GABRA4: variants seen among roughly 807,000 people sequenced by gnomAD.
GABRA4 encodes gamma-aminobutyric acid type A receptor subunit alpha4.
GABRA4 carries 12 observed loss-of-function variants against 49.7 expected under a neutral mutation model. That is an observed-to-expected ratio of 0.24 (90% CI 0.15 to 0.39). GABRA4 has a LOEUF of 0.39. GABRA4 is among the 10% of genes least tolerant of loss of function. The pLI is 1.00. For synonymous variants in GABRA4, 288 were observed against 240.2 expected (o/e 1.20, Z -1.84); for missense variants, 506 against 686.0 (o/e 0.74, Z 2.93).
At chr4:46,976,741 A>G (rs1370273766) in intron 5 of GABRA4, among the ~76,000 whole-genome samples, 2 of 151,682 alleles carry the variant, frequency 1.3e-5, no homozygotes, top group Admixed American at 6.6e-5. Context: ...ATTTATCTAT[A>G]TAATTTGTAC....
intron 1 of GABRA4, 120 bp downstream of exon 1, chr4:46,993,219 C>G (rs1339958363): frequency 5.5e-6 from 5 of 908,116 alleles, no homozygotes; most frequent in African/African-American, 3.3e-5. Context: ...GGCCCCTGCT[C>G]TTACAGCTGA....
chr4:46,970,609 A>G (rs1218769097), intron 7 of GABRA4, among the ~76,000 whole-genome samples: 2 of 151,584 alleles, frequency 1.3e-5, no homozygotes, highest in Non-Finnish European at 3.0e-5. Context: ...CTAAGCATAT[A>G]ATACCTTCCA....
Position 46,993,579 on chromosome 4 carries a change from T to C in GABRA4, c.-155A>G, listed in dbSNP as rs1577805181. 2.8e-6 allele frequency: 2 copies of C among 719,018 alleles called. No individual in the cohort carries two copies. Among genetic ancestry groups the C allele is most frequent in the East Asian group, 5.5e-5 (2 of 36,396 alleles). 44.5% of individuals were successfully genotyped at this position (719,018 alleles called of 1,614,324 possible). A position where few individuals can be genotyped will look rare whatever the true frequency, so the allele number is the denominator to read the frequency against. On this transcript the variant is annotated 5_prime_UTR_variant, in exon 1 of 9. Transcript: ENST00000264318. ...CAGCCAGCCCGAGCCGCGGTGGGCG[T>C]GTGTGTGCACGGGGCCAGGGGAGGC...
intron 8 of GABRA4, among the ~76,000 whole-genome samples, chr4:46,964,274 G>A (rs576880894): frequency 2.6e-5 from 4 of 151,778 alleles, no homozygotes; most frequent in South Asian, 4.1e-4. Flanking sequence ...GAAGGGTAGC[G>A]GGAGTTTGGT....
chr4:46,931,365 G>A (rs1036437095), intron 8 of GABRA4, among the ~76,000 whole-genome samples: 2 of 152,038 alleles, frequency 1.3e-5, no homozygotes, highest in Non-Finnish European at 2.9e-5. Flanking sequence ...AAGAGCAAGA[G>A]TAGGAAGGAT....
chr4:46,928,580 C>A lies in GABRA4; in HGVS notation c.1310G>T (p.Ser437Ile). 6.2e-7 allele frequency: 1 copy of A among 1,613,702 alleles called. No homozygotes were observed. Among genetic ancestry groups the A allele is most frequent in the Non-Finnish European group, 8.5e-7 (1 of 1,179,780 alleles). Residue 437 changes from serine to isoleucine, a missense_variant, in exon 9 of 9, where the codon AGC (serine) becomes ATC (isoleucine). Physicochemically the swap from Ser to Ile is moderately radical, Grantham distance 142. Transcript: ENST00000264318. ...SYLASSPNPF[S>I]RANAAETISA... is the part of the protein sequence containing the mutation. ...TATGGTTTCAGCTGCATTTGCACGG[C>A]TGAATGGGTTTGGACTGGAAGCTAA...
At chr4:46,987,140 G>T (rs990034111) in intron 2 of GABRA4, among the ~76,000 whole-genome samples, 3 of 152,076 alleles carry the variant, frequency 2.0e-5, no homozygotes, top group Admixed American at 6.6e-5. Context: ...TAATCAGCCT[G>T]CAAAGCTGTA....
chr4:46,981,582 A>C (rs1280997178), intron 2 of GABRA4, among the ~76,000 whole-genome samples: 1 of 152,204 alleles, frequency 6.6e-6, no homozygotes, highest in South Asian at 2.1e-4. Flanking sequence ...AATGAGTGCC[A>C]GTTGTGTGTT....
At chr4:46,991,964 G>A (rs955526956) in intron 2 of GABRA4, among the ~76,000 whole-genome samples, 10 of 152,176 alleles carry the variant, frequency 6.6e-5, no homozygotes, top group Non-Finnish European at 1.5e-4. Context: ...AAAAAACAGG[G>A]ACTTTGAGAT....
Position 46,928,672 on chromosome 4 carries a change from C to A in GABRA4, c.1218G>T (p.Val406=), listed in dbSNP as rs764131834. 6.2e-7 allele frequency: 1 copy of A among 1,613,332 alleles called. No individual in the cohort carries two copies. Among genetic ancestry groups the A allele is most frequent in the South Asian group, 1.1e-5 (1 of 91,070 alleles). ...SESDVGNRTE[V]GNHSSKSSTV... ...TGGAAGATTTGCTTGAATGGTTTCCCACCTCAGTTCTGTTGCCAACATCAG... is the reference window on the plus strand; with the variant it reads ...TGGAAGATTTGCTTGAATGGTTTCCAACCTCAGTTCTGTTGCCAACATCAG... Residue 406 remains valine, a synonymous_variant, in exon 9 of 9, where the codon GTG becomes GTT. Coordinates refer to ENST00000264318, the MANE Select transcript of GABRA4 (RefSeq NM_000809.4).
chr4:46,929,918 C>T (rs2109935794), intron 8 of GABRA4, among the ~76,000 whole-genome samples: 1 of 152,116 alleles, frequency 6.6e-6, no homozygotes, highest in East Asian at 1.9e-4. Flanking sequence ...AAGGGCAATT[C>T]ACAGATACTA....
intron 8 of GABRA4, among the ~76,000 whole-genome samples, chr4:46,935,430 A>G (rs1256655745): frequency 6.6e-6 from 1 of 152,220 alleles, no homozygotes; most frequent in African/African-American, 2.4e-5. Flanking sequence ...GAAAGAACCC[A>G]GCTGAAGTCA....
intron 2 of GABRA4, among the ~76,000 whole-genome samples, chr4:46,987,622 C>A (rs150758452): frequency 2.0e-5 from 3 of 151,964 alleles, no homozygotes; most frequent in African/African-American, 4.8e-5. Context: ...TCAAGTCAAT[C>A]GCCAATTCTT....
At position 46,957,127 on chromosome 4, in the gene GABRA4, T is replaced by C. The variant is rs1377314505; in HGVS notation, c.1134+7843A>G. ...TGGGTACTTTATGGAATGACATAAC[T>C]TAATCCTTATTATAAGCCTTTCCAG... On this transcript the variant is annotated intron_variant, in intron 8 of 8. Transcript: ENST00000264318. Among the ~76,000 whole-genome samples, 7 of 152,122 alleles carry C rather than the reference T, an allele frequency of 4.6e-5. 1 individual carries two copies. In the South Asian group the frequency reaches 8.3e-4, roughly 18 times the overall value.
At chr4:46,942,486 G>A (rs1055667225) in intron 8 of GABRA4, among the ~76,000 whole-genome samples, 3 of 151,926 alleles carry the variant, frequency 2.0e-5, no homozygotes, top group African/African-American at 4.8e-5. Flanking sequence ...TTAGCCAGAC[G>A]TGGTGGTGCA....
intron 8 of GABRA4, among the ~76,000 whole-genome samples, chr4:46,960,632 C>T (rs1463615997): frequency 3.3e-5 from 5 of 151,232 alleles, no homozygotes; most frequent in African/African-American, 1.2e-4. Context: ...ATTCTTAGTT[C>T]ACAGATAAAA....
rs1477803825 is a variant in GABRA4 at position 46,923,801 on chromosome 4, T to C, written c.*4424A>G. ...ACTAATCCTGATCAAATTCCATTCC[T>C]TCAGTAATTTACACAAAACTCTTCC... On this transcript the variant is annotated 3_prime_UTR_variant, in exon 9 of 9. Transcript: ENST00000264318. 1 of 152,084 alleles carries C rather than the reference T, an allele frequency of 6.6e-6. No homozygotes were observed. The highest frequency in any genetic ancestry group is 6.6e-5 in the Admixed American group (1 of 15,246). The allele number at this position is 152,084 out of a possible 1,614,324, so 9.4% of individuals were successfully genotyped here.
At chr4:46,940,066 C>T (rs1269439844) in intron 8 of GABRA4, among the ~76,000 whole-genome samples, 1 of 151,996 alleles carries the variant, frequency 6.6e-6, no homozygotes, top group Non-Finnish European at 1.5e-5. Context: ...AAGACACTTT[C>T]CCTGTGAGTT....
At chr4:46,955,033 T>C (rs1326616803) in intron 8 of GABRA4, among the ~76,000 whole-genome samples, 1 of 152,162 alleles carries the variant, frequency 6.6e-6, no homozygotes, top group Admixed American at 6.6e-5. Flanking sequence ...TAGCACATAG[T>C]AGGTACTCAA....
Sources: gnomAD v4.1 joint callset for allele counts (sites outside exome capture counted in the v4.1 genomes callset) on GRCh38, gnomAD v4.1.1 for gene constraint, MANE v1.5 for transcripts, NCBI Gene and HGNC (gene_info 2026-07-23, HGNC 2026-07-21) for gene names.